The following LAPTM4B variants were observed in gnomAD, a reference collection of about 807,000 sequenced individuals.
LAPTM4B encodes the protein lysosomal-associated transmembrane protein 4B.
Under a neutral mutation model 28.5 loss-of-function variants are expected in LAPTM4B, and 26 were observed. The ratio of observed to expected loss-of-function variants is 0.91; its 90% confidence interval spans 0.67 to 1.27. The LOEUF (loss-of-function observed/expected upper bound fraction) is 1.27. Among genes scored for constraint, LAPTM4B ranks in the 50% most tolerant of loss-of-function variants. LAPTM4B has a pLI of 0.00. For synonymous variants in LAPTM4B, 109 were observed against 106.4 expected, an observed-to-expected ratio of 1.02 and a Z score of -0.15; for missense variants, 288 against 285.8, an observed-to-expected ratio of 1.01 and a Z score of -0.06.
chr8:97,820,845 C>G (rs956292870), intron 5 of LAPTM4B, among the ~76,000 whole-genome samples: 4 of 151,960 alleles, frequency 2.6e-5, no homozygotes, highest in African/African-American at 9.6e-5. Context: ...TCTCCTGCCT[C>G]AGTCTCACGA....
At chr8:97,824,711 T>A (rs1055965183) in intron 5 of LAPTM4B, among the ~76,000 whole-genome samples, 6 of 152,224 alleles carry the variant, frequency 3.9e-5, no homozygotes, top group African/African-American at 1.4e-4. Flanking sequence ...TCGATTGTTC[T>A]GTGAATTCAG....
At chr8:97,782,041 T>C (rs918733152) in intron 1 of LAPTM4B, among the ~76,000 whole-genome samples, 1 of 150,378 alleles carries the variant, frequency 6.6e-6, no homozygotes, top group East Asian at 2.0e-4. Context: ...AGTGCAATGG[T>C]GCGATCTCGG....
intron 5 of LAPTM4B, 140 bp downstream of exon 5, chr8:97,819,378 T>A (rs1218780782): frequency 1.7e-6 from 1 of 597,558 alleles, no homozygotes; most frequent in East Asian, 2.8e-5. Context: ...TTACAATTCT[T>A]TATGCTGTCT....
chr8:97,822,915 C>T (rs973439810), intron 5 of LAPTM4B, among the ~76,000 whole-genome samples: 1 of 151,988 alleles, frequency 6.6e-6, no homozygotes, highest in African/African-American at 2.4e-5. Flanking sequence ...GATCCCGGCT[C>T]ACTGCAACCT....
At chr8:97,840,069 A>G (rs1372382447) in intron 6 of LAPTM4B, among the ~76,000 whole-genome samples, 2 of 152,226 alleles carry the variant, frequency 1.3e-5, no homozygotes, top group African/African-American at 4.8e-5. Context: ...AGATGTGTAC[A>G]GTAGGTGGCG....
chr8:97,829,095 G>A (rs756825725), intron 6 of LAPTM4B, among the ~76,000 whole-genome samples: 8 of 152,242 alleles, frequency 5.3e-5, no homozygotes, highest in Admixed American at 3.3e-4. Flanking sequence ...TTCTGGAAGT[G>A]GGGTCCTGCA....
At chr8:97,779,128 C>T (rs1032192863) in intron 1 of LAPTM4B, among the ~76,000 whole-genome samples, 2 of 152,134 alleles carry the variant, frequency 1.3e-5, no homozygotes, top group Non-Finnish European at 2.9e-5. Context: ...GAGTTCGAAG[C>T]TGCAGTGAGC....
At chr8:97,791,868 G>A (rs1816502830) in intron 1 of LAPTM4B, among the ~76,000 whole-genome samples, 1 of 152,144 alleles carries the variant, frequency 6.6e-6, no homozygotes, top group Non-Finnish European at 1.5e-5. Flanking sequence ...TGATAGGGAG[G>A]CAGCACTGTT....
rs1438174584 is a variant in LAPTM4B, at chr8:97,776,025, C to T, written c.16C>T (p.Pro6Ser). The T allele has an allele frequency of 6.3e-7, 1 of 1,580,402 alleles. No individual in the cohort carries two copies. Among genetic ancestry groups the T allele is most frequent in the Admixed American group, 1.7e-5 (1 of 57,178 alleles). Residue 6 changes from proline to serine, a missense_variant, in exon 1 of 7, where the codon CCC becomes TCC. By Grantham distance (74) the Pro-to-Ser change is moderately conservative. Transcript: ENST00000521545. The stretch of plus-strand genomic sequence containing the variant: ...GCCCGGAGCGATGAAGATGGTCGCG[C>T]CCTGGACGCGGTTCTACTCCAACAG... Reference protein sequence around the residue: MKMVAPWTRFYSNSCC... With the variant: MKMVASWTRFYSNSCC...
intron 1 of LAPTM4B, 83 bp from the exon 2 acceptor site, chr8:97,805,270 T>C (rs1816741557): frequency 1.3e-6 from 1 of 754,290 alleles, no homozygotes; most frequent in Non-Finnish European, 2.2e-6. Context: ...CCTGACTCCA[T>C]GTGGTCAGTG....
At chr8:97,780,466 A>G (rs1312633694) in intron 1 of LAPTM4B, among the ~76,000 whole-genome samples, 1 of 152,330 alleles carries the variant, frequency 6.6e-6, no homozygotes, top group East Asian at 1.9e-4. Context: ...AGAGTCCACA[A>G]TAAGGGCTCA....
At chr8:97,822,612 A>C (rs553483842) in intron 5 of LAPTM4B, among the ~76,000 whole-genome samples, 21 of 151,616 alleles carry the variant, frequency 1.4e-4, no homozygotes, top group African/African-American at 4.8e-4. Flanking sequence ...TATGGTCTAA[A>C]TTAGCAAAAC....
chr8:97,831,714 G>T (rs527715544), intron 6 of LAPTM4B, among the ~76,000 whole-genome samples: 1 of 152,290 alleles, frequency 6.6e-6, no homozygotes, highest in East Asian at 1.9e-4. Context: ...GAATAGGTGG[G>T]AGTGATAGAT....
In LAPTM4B at chr8:97,823,461, A is replaced by G. The variant is rs562757082; in HGVS notation, c.508-1597A>G. Reference sequence around the variant, plus strand: ...GCAATCTCGGCTCACTGCAACCTCCACCTCCCAGGTTCACTTGATTCTCCT... The same window carrying G: ...GCAATCTCGGCTCACTGCAACCTCCGCCTCCCAGGTTCACTTGATTCTCCT... On this transcript the variant is annotated intron_variant, in intron 5 of 6. Coordinates refer to ENST00000521545, the MANE Select transcript of LAPTM4B (RefSeq NM_018407.6). 7.0e-4 allele frequency among the ~76,000 whole-genome samples: 102 copies of G among 146,646 alleles called. 1 individual carries two copies. The South Asian group carries it at 0.021, about 30-fold the overall frequency.
At chr8:97,801,155 A>G (rs1202676535) in intron 1 of LAPTM4B, among the ~76,000 whole-genome samples, 3 of 148,648 alleles carry the variant, frequency 2.0e-5, no homozygotes, top group African/African-American at 7.5e-5. Context: ...AATGGAGTAC[A>G]TTGCCCTTGT....
chr8:97,829,696 C>T (rs2512049), intron 6 of LAPTM4B, among the ~76,000 whole-genome samples: 69,024 of 147,096 alleles, frequency 0.47, 16,204 homozygotes, highest in East Asian at 0.58. Context: ...TTTCTTTCTT[C>T]TTTTTTTTTT....
chr8:97,820,329 G>T (rs1657445059), intron 5 of LAPTM4B, among the ~76,000 whole-genome samples: 1 of 109,604 alleles, frequency 9.1e-6, no homozygotes. Context: ...TTGAGGTAGG[G>T]TCTCTCCCTG....
chr8:97,844,289 G>T (rs1817397163), intron 6 of LAPTM4B, among the ~76,000 whole-genome samples: 1 of 152,040 alleles, frequency 6.6e-6, no homozygotes, highest in African/African-American at 2.4e-5. Flanking sequence ...TTGAGATGGG[G>T]TCTTGCTATG....
At position 97,852,497 on chromosome 8, in the gene LAPTM4B, A is replaced by G. The variant is rs1416316851; in HGVS notation, c.*1023A>G. The stretch of plus-strand genomic sequence containing the variant: ...ACTACCTGAATTGCAAGGGATTTTT[A>G]TATATTCATATGTTACAAAGTCAGC... On this transcript the variant is annotated 3_prime_UTR_variant, in exon 7 of 7. Transcript: ENST00000521545. 2 of 152,056 alleles carry G rather than the reference A, an allele frequency of 1.3e-5. No homozygotes were observed. Among genetic ancestry groups the G allele is most frequent in the Non-Finnish European group, 2.9e-5 (2 of 68,032 alleles). The allele number at this position is 152,056 out of a possible 1,614,324, so 9.4% of individuals were successfully genotyped here.
Sources: allele counts gnomAD v4.1 joint callset (sites outside exome capture counted in the v4.1 genomes callset), GRCh38; gene constraint gnomAD v4.1.1; transcripts MANE v1.5; gene names NCBI Gene and HGNC (gene_info 2026-07-23, HGNC 2026-07-21).